The following WWOX variants were observed in gnomAD, a reference collection of about 807,000 sequenced individuals.
WWOX encodes the protein WW domain containing oxidoreductase, also known as WW domain-containing oxidoreductase.
WWOX carries 69 observed loss-of-function variants against 46.2 expected under a neutral mutation model. That is an observed-to-expected ratio of 1.49 (90% CI 1.23 to 1.82). WWOX has a LOEUF of 1.82. WWOX is among the 40% of genes most tolerant of loss of function. WWOX has a pLI of 0.00. For synonymous variants in WWOX, 359 were observed against 202.6 expected (o/e 1.77, Z -6.56); for missense variants, 919 against 542.6 (o/e 1.69, Z -6.89).
chr16:78,878,182 C>T (rs1013780501), intron 8 of WWOX, among the ~76,000 whole-genome samples: 1 of 152,160 alleles, frequency 6.6e-6, no homozygotes, highest in Admixed American at 6.6e-5. Context: ...GCATGCTATT[C>T]AGGAGGACAG....
At chr16:78,110,245 C>T (rs374089009) in intron 3 of WWOX, among the ~76,000 whole-genome samples, 26 of 145,896 alleles carry the variant, frequency 1.8e-4, no homozygotes, top group Non-Finnish European at 2.2e-4. Flanking sequence ...GAGGGTAAGG[C>T]GGGAGAATCA....
chr16:79,085,612 G>C (rs1450100067), intron 8 of WWOX, among the ~76,000 whole-genome samples: 2 of 152,124 alleles, frequency 1.3e-5, no homozygotes, highest in Non-Finnish European at 2.9e-5. Context: ...GGTCCACATA[G>C]AAAAACCTGT....
chr16:78,735,950 A>C (rs534722499), intron 8 of WWOX, among the ~76,000 whole-genome samples: 75 of 151,742 alleles, frequency 4.9e-4, no homozygotes, highest in Non-Finnish European at 9.0e-4. Flanking sequence ...GGGCCTTCCC[A>C]ATTTACCTGT....
At position 78,464,771 on chromosome 16, in the gene WWOX, G is replaced by A. The variant is rs569150060; in HGVS notation, c.1056+32019G>A. Among the ~76,000 whole-genome samples the A allele has an allele frequency of 2.6e-5, 4 of 152,204 alleles. No individual in the cohort carries two copies. The East Asian group carries it at 7.7e-4, about 29-fold the overall frequency. ...ATTCAGTCTCCTTTTTGGAGAAATGGCCACTGCAACTCTCTGTTCTGACCT... is the reference window on the plus strand; with the variant it reads ...ATTCAGTCTCCTTTTTGGAGAAATGACCACTGCAACTCTCTGTTCTGACCT... On this transcript the variant is annotated intron_variant, in intron 8 of 8. Transcript: ENST00000566780.
At chr16:78,871,502 A>G (rs1252313845) in intron 8 of WWOX, among the ~76,000 whole-genome samples, 1 of 152,222 alleles carries the variant, frequency 6.6e-6, no homozygotes, top group African/African-American at 2.4e-5. Flanking sequence ...CCTGTGAGAC[A>G]CAGGTGACAA....
chr16:79,039,894 G>A (rs1039277990), intron 8 of WWOX, among the ~76,000 whole-genome samples: 3 of 152,192 alleles, frequency 2.0e-5, no homozygotes, highest in African/African-American at 4.8e-5. Flanking sequence ...TCCATGGACT[G>A]ATACGCTGGG....
In WWOX at chr16:78,799,928, T is replaced by C. The variant is rs932394966; in HGVS notation, c.1056+367176T>C. Among the ~76,000 whole-genome samples the C allele has an allele frequency of 5.9e-5, 9 of 152,146 alleles. No individual in the cohort carries two copies. The South Asian group carries it at 1.2e-3, about 21-fold the overall frequency. ...GACTACTTTTCCCTGAAATACGTCC[T>C]CCATCTCAGGCACTAGTTAGGAACT... On this transcript the variant is annotated intron_variant, in intron 8 of 8. Coordinates refer to ENST00000566780, the MANE Select transcript of WWOX (RefSeq NM_016373.4).
chr16:78,898,367 C>G (rs1003507682), intron 8 of WWOX: 1 of 152,086 alleles, frequency 6.6e-6, no homozygotes, highest in African/African-American at 2.4e-5. Context: ...ATAAGACTCT[C>G]CAATTGTTCT....
intron 8 of WWOX, among the ~76,000 whole-genome samples, chr16:78,776,080 C>T (rs1403471110): frequency 1.3e-5 from 2 of 152,188 alleles, no homozygotes; most frequent in African/African-American, 4.8e-5. Flanking sequence ...GTTCAGAAAA[C>T]CTTATTCCAA....
chr16:78,912,572 A>T (rs1201688946), intron 8 of WWOX, among the ~76,000 whole-genome samples: 2 of 152,030 alleles, frequency 1.3e-5, no homozygotes, highest in Non-Finnish European at 2.9e-5. Flanking sequence ...GCAGGGTTAT[A>T]TCCCCAGCAC....
At chr16:78,871,010 T>C (rs2044116134) in intron 8 of WWOX, among the ~76,000 whole-genome samples, 1 of 152,198 alleles carries the variant, frequency 6.6e-6, no homozygotes, top group East Asian at 1.9e-4. Flanking sequence ...ACTCTGCTTA[T>C]GGTTAATTCT....
At chr16:78,824,847 C>G (rs1415424899) in intron 8 of WWOX, among the ~76,000 whole-genome samples, 1 of 152,146 alleles carries the variant, frequency 6.6e-6, no homozygotes, top group East Asian at 1.9e-4. Flanking sequence ...CAAAGCATAT[C>G]AGGGTCCTAG....
chr16:78,749,648 C>T (rs1023066288), intron 8 of WWOX, among the ~76,000 whole-genome samples: 5 of 152,104 alleles, frequency 3.3e-5, no homozygotes, highest in African/African-American at 9.7e-5. Flanking sequence ...GAAGTGTTTT[C>T]TGGTCTAGCT....
intron 5 of WWOX, among the ~76,000 whole-genome samples, chr16:78,217,762 TG>T (rs1385287797): frequency 1.3e-5 from 2 of 151,882 alleles, no homozygotes; most frequent in African/African-American, 4.8e-5. Flanking sequence ...GTGTAATATA[TG>T]GGGGTATAGG....
chr16:79,098,828 A>G lies in WWOX; in HGVS notation c.1057-112780A>G, dbSNP rs543194296. Among the ~76,000 whole-genome samples the G allele has an allele frequency of 1.2e-4, 18 of 152,160 alleles. No individual in the cohort carries two copies. In the South Asian group the frequency reaches 2.3e-3, roughly 19 times the overall value. On this transcript the variant is annotated intron_variant, in intron 8 of 8. Transcript: ENST00000566780. ...GTACATTCTCCTTTTTTTCCTTGCAATATGTTGCCTTCTCTGTATATCTTT... is the reference window on the plus strand; with the variant it reads ...GTACATTCTCCTTTTTTTCCTTGCAGTATGTTGCCTTCTCTGTATATCTTT...
chr16:79,030,458 GC>G (rs1312464228), intron 8 of WWOX, among the ~76,000 whole-genome samples: 1 of 152,106 alleles, frequency 6.6e-6, no homozygotes, highest in Non-Finnish European at 1.5e-5. Flanking sequence ...ATCTGCACGG[GC>G]AATCCCATTA....
At chr16:78,357,806 G>A (rs192324971) in intron 5 of WWOX, among the ~76,000 whole-genome samples, 2 of 152,206 alleles carry the variant, frequency 1.3e-5, no homozygotes, top group East Asian at 1.9e-4. Flanking sequence ...CATTTCACCC[G>A]ATCCCTGGGA....
intron 8 of WWOX, among the ~76,000 whole-genome samples, chr16:79,067,346 G>A (rs1319458561): frequency 6.6e-6 from 1 of 152,108 alleles, no homozygotes; most frequent in Non-Finnish European, 1.5e-5. Flanking sequence ...CATCAAAATG[G>A]CTGTTGTCTG....
At chr16:79,154,321 C>T (rs1161419732) in intron 8 of WWOX, among the ~76,000 whole-genome samples, 2 of 152,120 alleles carry the variant, frequency 1.3e-5, no homozygotes. Context: ...AGCTGAGTTT[C>T]CTTTTCTGAA....
Sources: gnomAD v4.1 joint callset for allele counts (sites outside exome capture counted in the v4.1 genomes callset) on GRCh38, gnomAD v4.1.1 for gene constraint, MANE v1.5 for transcripts, NCBI Gene and HGNC (gene_info 2026-07-23, HGNC 2026-07-21) for gene names.